CC2D2B: variants seen among roughly 807,000 people sequenced by gnomAD.
CC2D2B encodes the protein coiled-coil and C2 domain containing 2B.
A neutral mutation model predicts 161.2 loss-of-function variants in CC2D2B; 128 were observed. The ratio of observed to expected loss-of-function variants is 0.79; its 90% confidence interval spans 0.69 to 0.92. CC2D2B has a LOEUF of 0.92. CC2D2B is among the 40% of genes least tolerant of loss of function. CC2D2B has a pLI of 0.00. For missense variants in CC2D2B, 1,173 were observed against 1,375.1 expected (o/e 0.85, Z 2.32); for synonymous variants, 391 against 449.8 (o/e 0.87, Z 1.65).
chr10:96,019,446 T>C (rs942441768), intron 31 of CC2D2B, 109 bp downstream of exon 31: 6 of 1,148,426 alleles, frequency 5.2e-6, no homozygotes, highest in Non-Finnish European at 7.4e-6. Flanking sequence ...TCAGATTCCC[T>C]AGGGCATGGG....
At chr10:95,921,212 G>A (rs9919426) in intron 2 of CC2D2B, 9,380 of 152,356 alleles carry the variant, frequency 0.062, 503 homozygotes, top group East Asian at 0.13. Flanking sequence ...GACAGTTCCC[G>A]TCTGGCTAGG....
intron 11 of CC2D2B, among the ~76,000 whole-genome samples, chr10:95,960,504 T>G (rs1201368325): frequency 7.4e-6 from 1 of 135,810 alleles, no homozygotes; most frequent in Admixed American, 7.9e-5. Context: ...TAAACTGAGT[T>G]TTGAAATACA....
At chr10:95,932,348 A>G (rs11528102) in intron 6 of CC2D2B, among the ~76,000 whole-genome samples, 18,510 of 152,106 alleles carry the variant, frequency 0.12, 1,905 homozygotes, top group African/African-American at 0.27. Flanking sequence ...GCCAGTCTGT[A>G]TCTTTTAACT....
intron 12 of CC2D2B, among the ~76,000 whole-genome samples, chr10:95,962,641 A>G (rs2076800611): frequency 1.3e-5 from 2 of 152,084 alleles, no homozygotes; most frequent in South Asian, 4.1e-4. Flanking sequence ...GGAAATAACT[A>G]ATTTTCTCCC....
intron 17 of CC2D2B, among the ~76,000 whole-genome samples, chr10:95,975,075 G>A (rs1275593249): frequency 1.3e-5 from 2 of 152,114 alleles, no homozygotes; most frequent in African/African-American, 4.8e-5. Context: ...TAACAGCTGG[G>A]GAGGCTGTGC....
intron 24 of CC2D2B, among the ~76,000 whole-genome samples, chr10:96,003,011 A>T (rs1331197860): frequency 7.5e-6 from 1 of 132,484 alleles, no homozygotes; most frequent in African/African-American, 3.0e-5. Flanking sequence ...CCTGTCTCAA[A>T]AAATAAATAA....
At chr10:95,908,606 T>TATGTTGGAGAGTGGTCA (rs1026633196) in intron 1 of CC2D2B, among the ~76,000 whole-genome samples, 2 of 152,002 alleles carry the variant, frequency 1.3e-5, no homozygotes, top group Non-Finnish European at 1.5e-5. Flanking sequence ...GTTGAGGGGT[T>TATGTTGGAGAGTGGTCA]ATGTTGGAGA....
At chr10:96,029,286 GTATATATA>G (rs58363071) in intron 34 of CC2D2B, among the ~76,000 whole-genome samples, 22 of 70,636 alleles carry the variant, frequency 3.1e-4, no homozygotes, top group African/African-American at 7.6e-4. Context: ...ATATATATAT[GTATATATA>G]TATATATATA....
chr10:95,988,438 G>C, intron 20 of CC2D2B, 96 bp downstream of exon 20: 1 of 474,810 alleles, frequency 2.1e-6, no homozygotes. Flanking sequence ...GAGTCAGATG[G>C]ACGAATCCAC....
intron 12 of CC2D2B, among the ~76,000 whole-genome samples, chr10:95,964,087 G>C (rs2076859297): frequency 6.6e-6 from 1 of 152,168 alleles, no homozygotes; most frequent in Non-Finnish European, 1.5e-5. Flanking sequence ...CCTACCTGGA[G>C]AAGATTCAGA....
intron 32 of CC2D2B, among the ~76,000 whole-genome samples, chr10:96,021,990 G>A (rs2079483240): frequency 6.6e-6 from 1 of 152,140 alleles, no homozygotes; most frequent in South Asian, 2.1e-4. Flanking sequence ...GTGGCTGTGG[G>A]GGAAGAAATC....
At position 96,015,105 on chromosome 10, in the gene CC2D2B, G is replaced by A. The variant is rs529572652; in HGVS notation, c.3517-1096G>A. Among the ~76,000 whole-genome samples the A allele has an allele frequency of 6.6e-5, 10 of 151,346 alleles. No individual in the cohort carries two copies. In the East Asian group the frequency reaches 1.6e-3, roughly 24 times the overall value. On this transcript the variant is annotated intron_variant, in intron 29 of 34. Coordinates refer to ENST00000646931, the MANE Select transcript of CC2D2B (RefSeq NM_001349008.3). Reference sequence around the variant, plus strand: ...TTTTTAAATGGAGTCTCGCTCTGTCGCCAGGCTGGAGTGCAGTGGCACGAT... The same window carrying A: ...TTTTTAAATGGAGTCTCGCTCTGTCACCAGGCTGGAGTGCAGTGGCACGAT...
At chr10:96,009,721 T>C in intron 25 of CC2D2B, 104 bp from the exon 26 acceptor site, 1 of 482,110 alleles carries the variant, frequency 2.1e-6, no homozygotes, top group Non-Finnish European at 3.5e-6. Context: ...TTTTGATTTC[T>C]TTTTTAGAAG....
At chr10:95,967,207 T>C (rs1395141207) in intron 14 of CC2D2B, among the ~76,000 whole-genome samples, 1 of 152,166 alleles carries the variant, frequency 6.6e-6, no homozygotes, top group African/African-American at 2.4e-5. Flanking sequence ...GAGAAATCCT[T>C]TATTTGTTCT....
chr10:95,992,778 A>G, intron 22 of CC2D2B, 81 bp downstream of exon 22: 1 of 963,430 alleles, frequency 1.0e-6, no homozygotes, highest in Non-Finnish European at 1.3e-6. Context: ...TCTATTTGTA[A>G]ACCTTTGCAC....
chr10:95,993,883 A>G lies in CC2D2B; in HGVS notation c.2642+1186A>G, dbSNP rs570737964. Among the ~76,000 whole-genome samples, 26 of 89,704 alleles carry G rather than the reference A, an allele frequency of 2.9e-4. 1 individual carries two copies. The South Asian group carries it at 0.011, about 37-fold the overall frequency. 58.8% of individuals were successfully genotyped at this position (89,704 alleles called of 152,430 possible). A position where few individuals can be genotyped will look rare whatever the true frequency, so the allele number is the denominator to read the frequency against. ...AGAGAGAGAGAGAGTGTATATATATATATATAGAGAGAGAGAATGTGTGTG... is the reference window on the plus strand; with the variant it reads ...AGAGAGAGAGAGAGTGTATATATATGTATATAGAGAGAGAGAATGTGTGTG... On this transcript the variant is annotated intron_variant, in intron 22 of 34. Coordinates refer to ENST00000646931, the MANE Select transcript of CC2D2B (RefSeq NM_001349008.3).
At chr10:95,985,811 GA>G (rs2077695808) in intron 19 of CC2D2B, among the ~76,000 whole-genome samples, 1 of 152,210 alleles carries the variant, frequency 6.6e-6, no homozygotes, top group Non-Finnish European at 1.5e-5. Flanking sequence ...CTGAGAAAGA[GA>G]ATGTGTGCCT....
At chr10:96,023,858 G>A (rs1182287094) in intron 32 of CC2D2B, among the ~76,000 whole-genome samples, 1 of 152,202 alleles carries the variant, frequency 6.6e-6, no homozygotes, top group Non-Finnish European at 1.5e-5. Flanking sequence ...TCAGGTGAGG[G>A]CCAAGAATTT....
At chr10:96,000,808 T>C (rs959937720) in intron 24 of CC2D2B, 6 of 152,242 alleles carry the variant, frequency 3.9e-5, no homozygotes, top group Non-Finnish European at 8.8e-5. Flanking sequence ...TTTTAAACTG[T>C]ACCAGTCCTT....
Sources: gnomAD v4.1 joint callset for allele counts (sites outside exome capture counted in the v4.1 genomes callset) on GRCh38, gnomAD v4.1.1 for gene constraint, MANE v1.5 for transcripts, NCBI Gene and HGNC (gene_info 2026-07-23, HGNC 2026-07-21) for gene names.